The following MAML2 variants were observed in gnomAD, a reference collection of about 807,000 sequenced individuals.
MAML2 encodes mastermind like transcriptional coactivator 2.
A neutral mutation model predicts 96.1 loss-of-function variants in MAML2; 22 were observed. That is an observed-to-expected ratio of 0.23 (90% confidence interval 0.16 to 0.33). The LOEUF (loss-of-function observed/expected upper bound fraction) is 0.33, where lower values mean the gene tolerates loss of function less well. Ranked by LOEUF, MAML2 falls within the 10% of genes least tolerant of loss-of-function variation. The pLI is 1.00. For synonymous variants in MAML2, 561 were observed against 521.3 expected, an observed-to-expected ratio of 1.08 and a Z score of -1.04; for missense variants, 1,367 against 1,392.4, an observed-to-expected ratio of 0.98 and a Z score of 0.29.
intron 2 of MAML2, among the ~76,000 whole-genome samples, chr11:96,070,377 GAGA>G (rs1345359730): frequency 2.6e-5 from 4 of 152,250 alleles, no homozygotes; most frequent in Non-Finnish European, 4.4e-5. Flanking sequence ...TGCAGGTGAA[GAGA>G]AGGAGAGAAG....
chr11:96,313,366 C>G (rs1212748162), intron 1 of MAML2, among the ~76,000 whole-genome samples: 1 of 152,200 alleles, frequency 6.6e-6, no homozygotes, highest in African/African-American at 2.4e-5. Context: ...GTAAGCAGCT[C>G]TCCGGGCCAT....
At chr11:96,031,604 CT>C (rs976642080) in intron 2 of MAML2, among the ~76,000 whole-genome samples, 2 of 151,878 alleles carry the variant, frequency 1.3e-5, no homozygotes, top group East Asian at 1.9e-4. Context: ...CAGTTTCATG[CT>C]TTTTTTTGCA....
At chr11:96,306,041 G>T (rs1863457212) in intron 1 of MAML2, among the ~76,000 whole-genome samples, 1 of 152,014 alleles carries the variant, frequency 6.6e-6, no homozygotes, top group Admixed American at 6.6e-5. Context: ...CGTCATAGCT[G>T]CCTTGAGTAT....
chr11:96,214,465 T>A (rs1337914409), intron 1 of MAML2, among the ~76,000 whole-genome samples: 2 of 152,234 alleles, frequency 1.3e-5, no homozygotes, highest in Non-Finnish European at 2.9e-5. Context: ...GAATGTAATC[T>A]CTCTAGAACC....
At chr11:96,159,407 CTTTTTTT>C (rs760811590) in intron 1 of MAML2, among the ~76,000 whole-genome samples, 3 of 91,152 alleles carry the variant, frequency 3.3e-5, no homozygotes, top group East Asian at 4.4e-4. Flanking sequence ...ACCACTGATT[CTTTTTTT>C]TTTTTTTTTT....
chr11:96,182,842 C>T (rs1318187443), intron 1 of MAML2, among the ~76,000 whole-genome samples: 2 of 152,070 alleles, frequency 1.3e-5, no homozygotes, highest in Non-Finnish European at 2.9e-5. Context: ...TGGAGATCTC[C>T]TTACCATCCA....
intron 1 of MAML2, among the ~76,000 whole-genome samples, chr11:96,124,987 G>A (rs1860414135): frequency 6.6e-6 from 1 of 152,116 alleles, no homozygotes; most frequent in African/African-American, 2.4e-5. Context: ...ATTGACACCT[G>A]TCTCCTAAAT....
rs188432493 is a variant in MAML2, at chr11:95,992,086, T to G, written c.2140-363A>C. Among the ~76,000 whole-genome samples the G allele has an allele frequency of 2.2e-3, 335 of 152,332 alleles. 1 individual carries two copies. The highest frequency in any genetic ancestry group is 7.5e-3 in the African/African-American group (313 of 41,586). ...ATCATAACCTAACAAATCCTTCCTT[T>G]TCCCAAAGTTAGCATGTATCATTGC... is the stretch of plus-strand genomic sequence containing the variant. On this transcript the variant is annotated intron_variant, in intron 2 of 4. Transcript: ENST00000524717.
At chr11:96,209,978 C>T (rs570369327) in intron 1 of MAML2, among the ~76,000 whole-genome samples, 1 of 152,328 alleles carries the variant, frequency 6.6e-6, no homozygotes, top group South Asian at 2.1e-4. Context: ...GACTTTAAAA[C>T]AAACTGAAGT....
intron 2 of MAML2, among the ~76,000 whole-genome samples, chr11:96,022,496 G>T (rs1310699671): frequency 6.6e-6 from 1 of 152,172 alleles, no homozygotes; most frequent in Non-Finnish European, 1.5e-5. Flanking sequence ...GAAGGACACT[G>T]GGGAGCTGAT....
intron 1 of MAML2, among the ~76,000 whole-genome samples, chr11:96,212,441 G>A (rs73529223): frequency 0.055 from 8,348 of 152,110 alleles, 748 homozygotes; most frequent in African/African-American, 0.19. Flanking sequence ...AGCAAGTAGA[G>A]CAGAGAGAAG....
chr11:96,078,186 C>T (rs1460652442), intron 2 of MAML2, among the ~76,000 whole-genome samples: 3 of 152,194 alleles, frequency 2.0e-5, no homozygotes, highest in Admixed American at 2.0e-4. Flanking sequence ...TGCAATTTTC[C>T]ATTTCACTAA....
chr11:96,216,913 C>T (rs947568633), intron 1 of MAML2, among the ~76,000 whole-genome samples: 1 of 152,050 alleles, frequency 6.6e-6, no homozygotes, highest in Non-Finnish European at 1.5e-5. Flanking sequence ...AGACAAAGGG[C>T]AGGGGTAATT....
chr11:96,027,199 C>T (rs1307096568), intron 2 of MAML2, among the ~76,000 whole-genome samples: 1 of 152,180 alleles, frequency 6.6e-6, no homozygotes, highest in Non-Finnish European at 1.5e-5. Flanking sequence ...TTTTGTCACT[C>T]ATGCATTCAT....
intron 1 of MAML2, among the ~76,000 whole-genome samples, chr11:96,204,542 T>C (rs1459521921): frequency 2.6e-5 from 4 of 152,236 alleles, no homozygotes; most frequent in African/African-American, 9.6e-5. Context: ...ATCAGGTTAA[T>C]TGTATTCAAG....
chr11:96,207,976 A>G (rs771776711), intron 1 of MAML2, among the ~76,000 whole-genome samples: 5 of 152,156 alleles, frequency 3.3e-5, no homozygotes, highest in South Asian at 4.1e-4. Flanking sequence ...TGTTTTCTCC[A>G]TACTAACACA....
chr11:96,037,431 G>A (rs1858735575), intron 2 of MAML2, among the ~76,000 whole-genome samples: 1 of 152,206 alleles, frequency 6.6e-6, no homozygotes, highest in African/African-American at 2.4e-5. Context: ...ATACACGGTT[G>A]TAAGACAGTT....
At chr11:96,231,889 C>A (rs989551011) in intron 1 of MAML2, among the ~76,000 whole-genome samples, 1 of 152,158 alleles carries the variant, frequency 6.6e-6, no homozygotes, top group African/African-American at 2.4e-5. Flanking sequence ...CCTGACTAGT[C>A]GCTTTTGCCT....
intron 1 of MAML2, among the ~76,000 whole-genome samples, chr11:96,100,483 T>C (rs1348159595): frequency 6.6e-6 from 1 of 151,938 alleles, no homozygotes; most frequent in African/African-American, 2.4e-5. Flanking sequence ...CTAATTTTTG[T>C]ATTTTTAGTA....
Sources: gnomAD v4.1 joint callset for allele counts (sites outside exome capture counted in the v4.1 genomes callset) on GRCh38, gnomAD v4.1.1 for gene constraint, MANE v1.5 for transcripts, NCBI Gene and HGNC (gene_info 2026-07-23, HGNC 2026-07-21) for gene names.